Variants in WWOX observed in about 807,000 individuals in gnomAD.
WWOX encodes the protein WW domain containing oxidoreductase.
In WWOX, 69 loss-of-function variants were observed where a neutral mutation model predicts 46.2. That is an observed-to-expected ratio of 1.49 (90% CI 1.23 to 1.82). WWOX has a LOEUF of 1.82. Ranked by LOEUF, WWOX falls within the 40% of genes most tolerant of loss-of-function variation. The pLI is 0.00. For missense variants in WWOX, 919 were observed against 542.6 expected (o/e 1.69, Z -6.89); for synonymous variants, 359 against 202.6 (o/e 1.77, Z -6.56).
chr16:79,170,383 A>C (rs1000415996), intron 8 of WWOX, among the ~76,000 whole-genome samples: 1 of 152,212 alleles, frequency 6.6e-6, no homozygotes, highest in Non-Finnish European at 1.5e-5. Flanking sequence ...CTGACTCCAG[A>C]AGCACTTTCC....
chr16:78,290,454 G>C (rs1347561041), intron 5 of WWOX, among the ~76,000 whole-genome samples: 1 of 152,150 alleles, frequency 6.6e-6, no homozygotes, highest in African/African-American at 2.4e-5. Flanking sequence ...ACAGAGAACA[G>C]CTTTCCTGTA....
intron 8 of WWOX, among the ~76,000 whole-genome samples, chr16:78,871,496 T>G (rs1046994110): frequency 6.6e-6 from 1 of 152,234 alleles, no homozygotes; most frequent in African/African-American, 2.4e-5. Context: ...ATGAGTCCTG[T>G]GAGACACAGG....
intron 8 of WWOX, among the ~76,000 whole-genome samples, chr16:78,731,100 C>T (rs180815260): frequency 1.0e-3 from 155 of 152,124 alleles, no homozygotes; most frequent in Admixed American, 2.9e-3. Context: ...TGGGAAATTG[C>T]TTGCTTTTGT....
At chr16:78,553,726 C>G (rs553212137) in intron 8 of WWOX, among the ~76,000 whole-genome samples, 3 of 152,088 alleles carry the variant, frequency 2.0e-5, no homozygotes, top group South Asian at 4.2e-4. Flanking sequence ...GGGAGGAGGC[C>G]TGGGAGAGAC....
intron 8 of WWOX, among the ~76,000 whole-genome samples, chr16:78,459,804 T>C (rs2083907850): frequency 6.6e-6 from 1 of 152,082 alleles, no homozygotes; most frequent in African/African-American, 2.4e-5. Context: ...GATTTTATTT[T>C]ATTTTAATTC....
At chr16:78,766,656 A>G (rs2142505476) in intron 8 of WWOX, among the ~76,000 whole-genome samples, 1 of 152,312 alleles carries the variant, frequency 6.6e-6, no homozygotes, top group South Asian at 2.1e-4. Flanking sequence ...TTTTTAAGAC[A>G]AGGAATTCAG....
At chr16:78,802,573 A>G (rs1456749933) in intron 8 of WWOX, among the ~76,000 whole-genome samples, 1 of 152,064 alleles carries the variant, frequency 6.6e-6, no homozygotes, top group East Asian at 1.9e-4. Context: ...GTCCTTAACA[A>G]CTAATTAATA....
chr16:78,262,926 A>G (rs1347202622), intron 5 of WWOX, among the ~76,000 whole-genome samples: 2 of 152,170 alleles, frequency 1.3e-5, no homozygotes, highest in Non-Finnish European at 2.9e-5. Flanking sequence ...GCTTTGAAAC[A>G]CTATCAAACA....
chr16:78,717,517 A>G (rs563151984), intron 8 of WWOX, among the ~76,000 whole-genome samples: 12 of 152,290 alleles, frequency 7.9e-5, no homozygotes, highest in African/African-American at 2.9e-4. Context: ...AACTGTTGGA[A>G]GGGTCTGCTG....
At chr16:78,881,371 G>C (rs1220661115) in intron 8 of WWOX, among the ~76,000 whole-genome samples, 1 of 152,202 alleles carries the variant, frequency 6.6e-6, no homozygotes, top group African/African-American at 2.4e-5. Flanking sequence ...GTCTAATTTA[G>C]TTAAGTTTTT....
chr16:79,104,038 G>GGC (rs1491246780), intron 8 of WWOX, among the ~76,000 whole-genome samples: 2 of 3,372 alleles, frequency 5.9e-4, no homozygotes, highest in Non-Finnish European at 1.0e-3. Context: ...GCCCTTTTTT[G>GGC]GGGGGGGGGG....
intron 8 of WWOX, among the ~76,000 whole-genome samples, chr16:78,859,061 T>A (rs1291450696): frequency 3.9e-5 from 3 of 77,444 alleles, no homozygotes; most frequent in Non-Finnish European, 5.3e-5. Context: ...TATATATATA[T>A]ATATATATAT....
intron 8 of WWOX, among the ~76,000 whole-genome samples, chr16:78,546,450 C>A (rs951524044): frequency 1.3e-5 from 2 of 152,186 alleles, no homozygotes; most frequent in African/African-American, 4.8e-5. Flanking sequence ...CAAAAGAATA[C>A]TGGACCCAGA....
At chr16:78,842,142 CAGG>C (rs1343382242) in intron 8 of WWOX, among the ~76,000 whole-genome samples, 1 of 151,872 alleles carries the variant, frequency 6.6e-6, no homozygotes, top group Non-Finnish European at 1.5e-5. Context: ...TAAAGTAATC[CAGG>C]AGGAGTTCAT....
chr16:78,532,612 A>G (rs1288588126), intron 8 of WWOX, among the ~76,000 whole-genome samples: 3 of 152,232 alleles, frequency 2.0e-5, no homozygotes, highest in Admixed American at 2.0e-4. Context: ...CATTTACAAA[A>G]GAAAAAGGTT....
intron 5 of WWOX, among the ~76,000 whole-genome samples, chr16:78,193,881 T>C (rs2035962500): frequency 6.6e-6 from 1 of 151,246 alleles, no homozygotes; most frequent in African/African-American, 2.4e-5. Context: ...TTTCTATTTT[T>C]TATTTTTATT....
intron 8 of WWOX, among the ~76,000 whole-genome samples, chr16:79,011,905 C>T (rs866053849): frequency 2.0e-4 from 31 of 152,198 alleles, no homozygotes; most frequent in African/African-American, 5.3e-4. Context: ...CCTCCCGCCT[C>T]AGCCTCCTGA....
intron 8 of WWOX, among the ~76,000 whole-genome samples, chr16:78,603,093 A>G (rs1228352491): frequency 6.6e-6 from 1 of 152,154 alleles, no homozygotes; most frequent in Non-Finnish European, 1.5e-5. Flanking sequence ...TTATTTGTTT[A>G]TTTATTTTTC....
intron 8 of WWOX, among the ~76,000 whole-genome samples, chr16:78,600,504 AT>A (rs748693004): frequency 6.6e-6 from 1 of 152,242 alleles, no homozygotes; most frequent in East Asian, 1.9e-4. Context: ...GGGTTAAAGC[AT>A]CCATGTTTAC....
Sources: gnomAD v4.1 joint callset for allele counts (sites outside exome capture counted in the v4.1 genomes callset) on GRCh38, gnomAD v4.1.1 for gene constraint, MANE v1.5 for transcripts, NCBI Gene and HGNC (gene_info 2026-07-23, HGNC 2026-07-21) for gene names.